The following GPC6 variants were observed in gnomAD, a reference collection of about 807,000 sequenced individuals.
The protein encoded by GPC6 is glypican 6, also known as glypican-6.
GPC6 carries 14 observed loss-of-function variants against 55.2 expected under a neutral mutation model. The observed-to-expected ratio is 0.25, with a 90% confidence interval of 0.17 to 0.40. GPC6 has a LOEUF of 0.40. GPC6 is among the 10% of genes least tolerant of loss of function. The pLI, the probability that GPC6 is intolerant of heterozygous loss-of-function variation, is 1.00. For synonymous variants in GPC6, 278 were observed against 259.6 expected (o/e 1.07, Z -0.68); for missense variants, 641 against 708.5 (o/e 0.90, Z 1.08).
intron 6 of GPC6, among the ~76,000 whole-genome samples, chr13:94,328,239 G>A (rs1054029893): frequency 3.3e-5 from 5 of 152,186 alleles, no homozygotes; most frequent in African/African-American, 1.2e-4. Context: ...TAACAAGTTC[G>A]CCTGTGATCC....
At chr13:94,399,631 C>T (rs1407082745) in intron 8 of GPC6, among the ~76,000 whole-genome samples, 1 of 152,134 alleles carries the variant, frequency 6.6e-6, no homozygotes, top group African/African-American at 2.4e-5. Context: ...AGATAGAAGA[C>T]CTCAAGTCAT....
At chr13:93,234,778 A>C (rs570107931) in intron 1 of GPC6, among the ~76,000 whole-genome samples, 1 of 152,248 alleles carries the variant, frequency 6.6e-6, no homozygotes, top group African/African-American at 2.4e-5. Flanking sequence ...TAATTGAATT[A>C]CCATGGCAAT....
intron 4 of GPC6, among the ~76,000 whole-genome samples, chr13:94,045,379 A>G (rs1032292218): frequency 1.3e-5 from 2 of 151,970 alleles, no homozygotes; most frequent in African/African-American, 4.8e-5. Flanking sequence ...TTAGTTTCTT[A>G]GTATCTAAAA....
intron 2 of GPC6, among the ~76,000 whole-genome samples, chr13:93,645,558 G>A (rs1044864853): frequency 5.3e-5 from 8 of 152,048 alleles, no homozygotes; most frequent in South Asian, 2.1e-4. Context: ...CAAGGCCCAC[G>A]AAACAAAAAC....
At chr13:93,921,511 G>C (rs974363181) in intron 3 of GPC6, among the ~76,000 whole-genome samples, 33 of 152,044 alleles carry the variant, frequency 2.2e-4, no homozygotes, top group African/African-American at 8.0e-4. Flanking sequence ...GAGCTAGAAA[G>C]GGGATGGAGT....
intron 4 of GPC6, among the ~76,000 whole-genome samples, chr13:94,054,281 C>T (rs1536779): frequency 0.047 from 7,223 of 152,252 alleles, 495 homozygotes; most frequent in African/African-American, 0.15. Context: ...GCCAGTGTCA[C>T]GGAGGATGGC....
Position 93,930,812 on chromosome 13 carries a change from G to A in GPC6, c.712-96917G>A, listed in dbSNP as rs1878128043. On this transcript the variant is annotated intron_variant, in intron 3 of 8. Transcript: ENST00000377047. ...TAGTATAAAGAAATTCCAGAGACTG[G>A]GTAATTTATAAAGAAAAGTGGTTTA... is the stretch of plus-strand genomic sequence containing the variant. 3.3e-5 allele frequency among the ~76,000 whole-genome samples: 5 copies of A among 151,926 alleles called. 1 individual carries two copies. The South Asian group carries it at 1.0e-3, about 32-fold the overall frequency.
chr13:93,738,105 C>G (rs1884063450), intron 2 of GPC6, among the ~76,000 whole-genome samples: 1 of 152,102 alleles, frequency 6.6e-6, no homozygotes, highest in African/African-American at 2.4e-5. Context: ...TTGCAAATAG[C>G]AACAAAATGC....
chr13:93,277,853 T>C (rs1877809650), intron 1 of GPC6, among the ~76,000 whole-genome samples: 2 of 152,108 alleles, frequency 1.3e-5, no homozygotes, highest in Non-Finnish European at 2.9e-5. Context: ...TTTTCTTTTA[T>C]TGAAATTAAG....
intron 6 of GPC6, among the ~76,000 whole-genome samples, chr13:94,325,284 C>T (rs1198633958): frequency 2.0e-5 from 3 of 152,148 alleles, no homozygotes; most frequent in East Asian, 1.9e-4. Flanking sequence ...TGGAGAAGAA[C>T]GCGGCTCACT....
chr13:93,727,896 C>A (rs545846082), intron 2 of GPC6, among the ~76,000 whole-genome samples: 1 of 152,260 alleles, frequency 6.6e-6, no homozygotes, highest in Non-Finnish European at 1.5e-5. Flanking sequence ...CAGGTATCCT[C>A]CTTCCTGGCT....
chr13:93,967,251 G>T (rs1431259555), intron 3 of GPC6, among the ~76,000 whole-genome samples: 3 of 152,192 alleles, frequency 2.0e-5, no homozygotes, highest in East Asian at 1.9e-4. Flanking sequence ...TCAGTCAGAA[G>T]TTTATAATCC....
At chr13:93,550,628 A>T (rs1875097226) in intron 2 of GPC6, among the ~76,000 whole-genome samples, 1 of 152,062 alleles carries the variant, frequency 6.6e-6, no homozygotes, top group Non-Finnish European at 1.5e-5. Flanking sequence ...TTTAAGTATC[A>T]TTTCTCATCT....
intron 5 of GPC6, among the ~76,000 whole-genome samples, chr13:94,286,696 ACG>A (rs1162622487): frequency 4.6e-5 from 7 of 152,228 alleles, no homozygotes; most frequent in African/African-American, 1.7e-4. Context: ...CTACTCAATC[ACG>A]AAGAAATTAT....
chr13:94,323,346 T>C (rs1358256056), intron 6 of GPC6, among the ~76,000 whole-genome samples: 1 of 152,196 alleles, frequency 6.6e-6, no homozygotes. Context: ...TTATTTGTAA[T>C]GATGATAGAA....
intron 6 of GPC6, among the ~76,000 whole-genome samples, chr13:94,323,978 A>G (rs903054685): frequency 4.6e-5 from 7 of 152,214 alleles, no homozygotes; most frequent in Non-Finnish European, 7.3e-5. Context: ...ATTTAGGACT[A>G]GTCGCTGAGG....
At chr13:93,780,001 A>G (rs1055600054) in intron 2 of GPC6, among the ~76,000 whole-genome samples, 3 of 152,192 alleles carry the variant, frequency 2.0e-5, no homozygotes, top group Non-Finnish European at 4.4e-5. Context: ...AATGTGAGTT[A>G]TCTTACAAAT....
At chr13:94,315,770 A>G (rs1876487996) in intron 6 of GPC6, among the ~76,000 whole-genome samples, 1 of 152,186 alleles carries the variant, frequency 6.6e-6, no homozygotes, top group South Asian at 2.1e-4. Context: ...TCCTTTATTC[A>G]CCATATTTAT....
chr13:94,137,143 G>T (rs1887212895), intron 4 of GPC6, among the ~76,000 whole-genome samples: 1 of 152,174 alleles, frequency 6.6e-6, no homozygotes, highest in Non-Finnish European at 1.5e-5. Flanking sequence ...AGAGAAATTT[G>T]ATTTTAGATC....
Sources: allele counts gnomAD v4.1 joint callset (sites outside exome capture counted in the v4.1 genomes callset), GRCh38; gene constraint gnomAD v4.1.1; transcripts MANE v1.5; gene names NCBI Gene and HGNC (gene_info 2026-07-23, HGNC 2026-07-21).